PPP2R2D: variants seen among roughly 807,000 people sequenced by gnomAD.
PPP2R2D encodes the protein protein phosphatase 2 regulatory subunit Bdelta.
Under a neutral mutation model 31.1 loss-of-function variants are expected in PPP2R2D, and 9 were observed. The ratio of observed to expected loss-of-function variants is 0.29; its 90% CI spans 0.17 to 0.51. PPP2R2D has a LOEUF of 0.51. Among genes scored for constraint, PPP2R2D ranks in the 20% least tolerant of loss-of-function variants. The pLI, the probability that PPP2R2D is intolerant of heterozygous loss-of-function variation, is 0.98. For missense variants in PPP2R2D, 391 were observed against 465.6 expected (o/e 0.84, Z 1.48); for synonymous variants, 179 against 172.6 (o/e 1.04, Z -0.29).
chr10:131,906,791 G>A (rs1021110305), intron 2 of PPP2R2D, among the ~76,000 whole-genome samples: 4 of 150,384 alleles, frequency 2.7e-5, no homozygotes, highest in South Asian at 2.1e-4. Flanking sequence ...AATTCGGGAC[G>A]TTTGCCAGGT....
intron 3 of PPP2R2D, among the ~76,000 whole-genome samples, chr10:131,936,710 T>C (rs1168414256): frequency 6.6e-6 from 1 of 151,894 alleles, no homozygotes; most frequent in Non-Finnish European, 1.5e-5. Context: ...TATTATAGAG[T>C]GTTAAGTGCT....
At chr10:131,928,579 G>A (rs978584841) in intron 2 of PPP2R2D, among the ~76,000 whole-genome samples, 4 of 152,186 alleles carry the variant, frequency 2.6e-5, no homozygotes, top group East Asian at 1.9e-4. Context: ...GCTTCCTCCC[G>A]CTGCTTTCTG....
chr10:131,913,782 G>A (rs2035724606), intron 2 of PPP2R2D, among the ~76,000 whole-genome samples: 1 of 152,200 alleles, frequency 6.6e-6, no homozygotes, highest in African/African-American at 2.4e-5. Context: ...GGAGTTTAGA[G>A]CTCAGAGGCA....
chr10:131,914,966 C>G (rs1554892869), intron 2 of PPP2R2D, among the ~76,000 whole-genome samples: 1 of 152,148 alleles, frequency 6.6e-6, no homozygotes, highest in Non-Finnish European at 1.5e-5. Flanking sequence ...GAAGGTTTTT[C>G]TCTCCGTGCA....
intron 6 of PPP2R2D, among the ~76,000 whole-genome samples, chr10:131,944,655 C>T (rs1044711249): frequency 6.6e-6 from 1 of 152,304 alleles, no homozygotes; most frequent in Middle Eastern, 3.4e-3. Flanking sequence ...GCAGCCTCTC[C>T]AGGGTCCCTG....
intron 2 of PPP2R2D, 69 bp from the exon 3 acceptor site, chr10:131,934,389 T>A: frequency 1.4e-6 from 1 of 714,542 alleles, no homozygotes; most frequent in Admixed American, 2.2e-5. Context: ...TCTTTTTTAT[T>A]AATTTTTTGG....
At chr10:131,943,196 G>A (rs1440662906) in intron 5 of PPP2R2D, among the ~76,000 whole-genome samples, 7 of 152,006 alleles carry the variant, frequency 4.6e-5, no homozygotes, top group Non-Finnish European at 7.4e-5. Context: ...GACCATAGGC[G>A]GCCTGCAGCC....
At chr10:131,952,181 GT>G (rs1179665911) in intron 8 of PPP2R2D, among the ~76,000 whole-genome samples, 7 of 83,784 alleles carry the variant, frequency 8.4e-5, no homozygotes, top group Admixed American at 1.5e-4. Context: ...TGTGCAGGGG[GT>G]TTCACTGTCT....
chr10:131,966,809 CAA>C, the PPP2R2D span: 1 of 152,046 alleles, frequency 6.6e-6, no homozygotes, highest in African/African-American at 2.4e-5. Context: ...CTCAGCCTCC[CAA>C]AGTGTTGAGA....
chr10:131,907,084 G>A (rs2035601879), intron 2 of PPP2R2D, among the ~76,000 whole-genome samples: 1 of 151,804 alleles, frequency 6.6e-6, no homozygotes, highest in Non-Finnish European at 1.5e-5. Context: ...TAAGATGTGG[G>A]GAAATGTACT....
rs189287463 is a variant in PPP2R2D, at chr10:131,949,741, A to G, written c.1082+1950A>G. On this transcript the variant is annotated intron_variant, in intron 8 of 8. Coordinates refer to ENST00000455566, the MANE Select transcript of PPP2R2D (RefSeq NM_018461.5). ...CATCTAGAAATGACAAGTATGATAC[A>G]TGACCGCCAAACATGACGTGGAGAC... is the stretch of plus-strand genomic sequence containing the variant. 3.4e-3 allele frequency among the ~76,000 whole-genome samples: 512 copies of G among 151,858 alleles called. 3 individuals carry two copies. The highest frequency in any genetic ancestry group is 6.8e-3 in the Middle Eastern group (2 of 294).
intron 2 of PPP2R2D, among the ~76,000 whole-genome samples, chr10:131,927,110 T>A (rs1554895046): frequency 6.6e-6 from 1 of 152,196 alleles, no homozygotes; most frequent in African/African-American, 2.4e-5. Context: ...ATTATGGCTG[T>A]TCTCTTTTGG....
intron 2 of PPP2R2D, among the ~76,000 whole-genome samples, chr10:131,925,562 C>T (rs2036090495): frequency 6.6e-6 from 1 of 152,236 alleles, no homozygotes; most frequent in South Asian, 2.1e-4. Context: ...TTTCTGACTT[C>T]TGTATTTTAG....
downstream of PPP2R2D, among the ~76,000 whole-genome samples, chr10:131,961,237 G>A (rs923995198): frequency 2.0e-5 from 3 of 152,220 alleles, no homozygotes; most frequent in South Asian, 2.1e-4. Context: ...CCCGTCCTCC[G>A]AGGGGGCTGC....
rs2036570289 is a variant in PPP2R2D, at chr10:131,947,850, G to GGTCA, written c.1082+62_1082+65dup. 1 of 1,584,508 alleles carries GGTCA rather than the reference G, an allele frequency of 6.3e-7. No individual in the cohort carries two copies. The highest frequency in any genetic ancestry group is 1.7e-5 in the Admixed American group (1 of 58,514). On this transcript the variant is annotated intron_variant, in intron 8 of 8. Coordinates refer to ENST00000455566, the MANE Select transcript of PPP2R2D (RefSeq NM_018461.5). This position sits in a 1 kb window ranked among gnomAD's most constrained non-coding sequence, Gnocchi z 4.3. The stretch of plus-strand genomic sequence containing the variant: ...AGCTTGCTGGTTTCCGAGAGTGCAA[G>GGTCA]GTCAGTGAGGGAGGCGAGCTGTCCT...
At chr10:131,965,040 G>A in the PPP2R2D span, among the ~76,000 whole-genome samples, 3 of 152,024 alleles carry the variant, frequency 2.0e-5, no homozygotes, top group East Asian at 1.9e-4. Flanking sequence ...TTCACATAAA[G>A]TATACTATAT....
chr10:131,956,229 A>C lies in PPP2R2D; in HGVS notation c.*266A>C. The C allele has an allele frequency of 8.6e-7, 1 of 1,160,946 alleles. No homozygotes were observed. 71.9% of individuals were successfully genotyped at this position (1,160,946 alleles called of 1,614,324 possible). On this transcript the variant is annotated 3_prime_UTR_variant, in exon 9 of 9. Transcript: ENST00000455566. ...CCCAAAAGGTCATTACTCAGAATAA[A>C]TGTATTTATTTCAGTCCGAGCCTTC...
chr10:131,949,334 C>T (rs2119948077), intron 8 of PPP2R2D, among the ~76,000 whole-genome samples: 1 of 152,256 alleles, frequency 6.6e-6, no homozygotes, highest in Non-Finnish European at 1.5e-5. Context: ...GACCTCATTC[C>T]TCAAGGCCGC....
At position 131,950,797 on chromosome 10, in the gene PPP2R2D, AC is replaced by A. The variant is rs375205969; in HGVS notation, c.1082+3007del. Among the ~76,000 whole-genome samples the A allele has an allele frequency of 2.1e-3, 319 of 152,238 alleles. 4 individuals carry two copies. The highest frequency in any genetic ancestry group is 7.2e-3 in the African/African-American group (301 of 41,536). ...AAATTAGAGCCCTCACCAGCCCCACACAATAAATAAATAAGCTCTGAGTGTT... is the reference window on the plus strand; with the variant it reads ...AAATTAGAGCCCTCACCAGCCCCACAAATAAATAAATAAGCTCTGAGTGTT... On this transcript the variant is annotated intron_variant, in intron 8 of 8. Transcript: ENST00000455566.
Sources: allele counts gnomAD v4.1 joint callset (sites outside exome capture counted in the v4.1 genomes callset), GRCh38; gene constraint gnomAD v4.1.1; non-coding constraint Gnocchi (gnomAD v3.1); transcripts MANE v1.5; gene names NCBI Gene and HGNC (gene_info 2026-07-23, HGNC 2026-07-21).